PCDH15: variants seen among roughly 807,000 people sequenced by gnomAD.
PCDH15 encodes the protein protocadherin related 15.
In PCDH15, 129 loss-of-function variants were observed where a neutral mutation model predicts 178.5. The observed-to-expected ratio is 0.72, with a 90% CI of 0.63 to 0.84. The LOEUF (loss-of-function observed/expected upper bound fraction) is 0.84, where lower values mean the gene tolerates loss of function less well. PCDH15 is among the 40% of genes least tolerant of loss of function. The probability of loss-of-function intolerance (pLI) is 0.00; values close to 1 mark genes in which losing one functional copy is unlikely to be tolerated. For synonymous variants in PCDH15, 800 were observed against 732.0 expected (o/e 1.09, Z -1.50); for missense variants, 2,230 against 2,099.9 (o/e 1.06, Z -1.21).
chr10:55,133,799 C>T (rs1838118334), intron 2 of PCDH15, among the ~76,000 whole-genome samples: 1 of 152,076 alleles, frequency 6.6e-6, no homozygotes, highest in African/African-American at 2.4e-5. Flanking sequence ...TCAGAAACCA[C>T]ATCTAACACA....
intron 30 of PCDH15, among the ~76,000 whole-genome samples, chr10:53,829,446 C>T (rs191813899): frequency 7.5e-4 from 114 of 152,218 alleles, no homozygotes; most frequent in African/African-American, 2.7e-3. Context: ...GATTTGCTTG[C>T]TAGCAGGATA....
Position 53,934,678 on chromosome 10 carries a change from C to T in PCDH15, c.3373+4137G>A, listed in dbSNP as rs117359783. ...TGAAGAAGCAAGTCATCAAACTGTG[C>T]AAATGCTATAAATTCCCATTTCTAC... On this transcript the variant is annotated intron_variant, in intron 25 of 37. Coordinates refer to ENST00000644397, the MANE Select transcript of PCDH15 (RefSeq NM_001384140.1). 8.8e-3 allele frequency among the ~76,000 whole-genome samples: 1,341 copies of T among 152,040 alleles called. 16 individuals carry two copies. Among genetic ancestry groups the T allele is most frequent in the Non-Finnish European group, 0.013 (881 of 67,976 alleles).
intron 26 of PCDH15, among the ~76,000 whole-genome samples, chr10:53,899,792 T>A (rs1324600726): frequency 6.6e-6 from 1 of 152,208 alleles, no homozygotes; most frequent in Non-Finnish European, 1.5e-5. Flanking sequence ...TGAGAAGAAC[T>A]GCTTAACTCA....
At chr10:54,153,000 A>G in intron 14 of PCDH15, 100 bp downstream of exon 14, 2 of 1,304,798 alleles carry the variant, frequency 1.5e-6, no homozygotes, top group South Asian at 2.5e-5. Context: ...TCTAATTTAG[A>G]TGTTTATAGG....
At chr10:55,389,246 A>G (rs532323824) in intron 2 of PCDH15, among the ~76,000 whole-genome samples, 1 of 152,144 alleles carries the variant, frequency 6.6e-6, no homozygotes, top group South Asian at 2.1e-4. Flanking sequence ...AGAAGTGAAG[A>G]CCTGTCAACT....
At chr10:54,576,435 G>A (rs1384097601) in intron 2 of PCDH15, among the ~76,000 whole-genome samples, 1 of 152,148 alleles carries the variant, frequency 6.6e-6, no homozygotes, top group Non-Finnish European at 1.5e-5. Flanking sequence ...ATCATTTAAA[G>A]ACAACTTGCT....
chr10:54,026,694 C>T (rs1003939542), intron 18 of PCDH15, among the ~76,000 whole-genome samples: 10 of 152,128 alleles, frequency 6.6e-5, no homozygotes, highest in African/African-American at 2.4e-4. Context: ...GGGATGAAGT[C>T]CACTTGACAG....
intron 21 of PCDH15, among the ~76,000 whole-genome samples, chr10:53,985,904 T>C (rs1250949657): frequency 6.6e-6 from 1 of 152,172 alleles, no homozygotes; most frequent in Non-Finnish European, 1.5e-5. Context: ...AAAAAGATAG[T>C]TAATATATAT....
chr10:54,264,648 G>A (rs2057552530), intron 8 of PCDH15, among the ~76,000 whole-genome samples: 1 of 152,044 alleles, frequency 6.6e-6, no homozygotes, highest in Non-Finnish European at 1.5e-5. Context: ...ACTAGGCCAA[G>A]TAGAAGGAAA....
chr10:54,392,468 CAAAAA>C (rs71007849), intron 3 of PCDH15, among the ~76,000 whole-genome samples: 6 of 66,116 alleles, frequency 9.1e-5, no homozygotes, highest in African/African-American at 1.2e-4. Flanking sequence ...GAGGCTGTCT[CAAAAA>C]AAAAAAAAAA....
chr10:54,090,643 C>CAAAAAAA (rs34617225), intron 15 of PCDH15, among the ~76,000 whole-genome samples: 1 of 118,106 alleles, frequency 8.5e-6, no homozygotes. Flanking sequence ...GATCTTGTCT[C>CAAAAAAA]AAAAAAAAAA....
chr10:54,989,850 T>G (rs1208855135), intron 2 of PCDH15, among the ~76,000 whole-genome samples: 1 of 152,164 alleles, frequency 6.6e-6, no homozygotes, highest in African/African-American at 2.4e-5. Context: ...TCATCTTGCA[T>G]TCTCACATCT....
chr10:55,563,846 C>T (rs1460044472), intron 2 of PCDH15, among the ~76,000 whole-genome samples: 2 of 151,696 alleles, frequency 1.3e-5, no homozygotes, highest in African/African-American at 4.8e-5. Flanking sequence ...AATTCCATAA[C>T]CTATCCCCCA....
intron 2 of PCDH15, among the ~76,000 whole-genome samples, chr10:54,557,535 G>A (rs540827244): frequency 6.6e-6 from 1 of 152,228 alleles, no homozygotes; most frequent in East Asian, 1.9e-4. Flanking sequence ...GTTTTCTCCT[G>A]TCTTTAAATC....
intron 21 of PCDH15, among the ~76,000 whole-genome samples, chr10:53,970,214 T>C (rs2089524979): frequency 6.6e-6 from 1 of 151,550 alleles, no homozygotes; most frequent in East Asian, 1.9e-4. Context: ...GCAATCCTAG[T>C]CTCTGATAAA....
intron 3 of PCDH15, among the ~76,000 whole-genome samples, chr10:54,854,160 G>A (rs1266302516): frequency 2.0e-5 from 3 of 152,182 alleles, no homozygotes; most frequent in Non-Finnish European, 4.4e-5. Flanking sequence ...CTGCAAGGCT[G>A]TGGCCAAACC....
intron 1 of PCDH15, among the ~76,000 whole-genome samples, chr10:55,167,930 A>C (rs2132120024): frequency 6.6e-6 from 1 of 152,220 alleles, no homozygotes; most frequent in Admixed American, 6.5e-5. Context: ...AGCGCATATA[A>C]ATTAAAATTT....
chr10:54,615,709 C>CAA (rs1297013492), intron 2 of PCDH15, among the ~76,000 whole-genome samples: 1 of 16,264 alleles, frequency 6.1e-5, no homozygotes, highest in Admixed American at 4.3e-4. Flanking sequence ...ATACAAATAA[C>CAA]AACGTGTGAA....
At chr10:53,974,799 T>C (rs1178920200) in intron 21 of PCDH15, among the ~76,000 whole-genome samples, 1 of 152,136 alleles carries the variant, frequency 6.6e-6, no homozygotes, top group Non-Finnish European at 1.5e-5. Flanking sequence ...ACTTTTATTT[T>C]AGGTTTTGGG....
Sources: allele counts gnomAD v4.1 joint callset (sites outside exome capture counted in the v4.1 genomes callset), GRCh38; gene constraint gnomAD v4.1.1; transcripts MANE v1.5; gene names NCBI Gene and HGNC (gene_info 2026-07-23, HGNC 2026-07-21).